The following USP4 variants were observed in gnomAD, a reference collection of about 807,000 sequenced individuals.
USP4 encodes ubiquitin carboxyl-terminal hydrolase 4.
In USP4, 72 loss-of-function variants were observed where a neutral mutation model predicts 118.2. That is an observed-to-expected ratio of 0.61 (90% CI 0.50 to 0.74). The LOEUF (loss-of-function observed/expected upper bound fraction) is 0.74. Ranked by LOEUF, USP4 falls within the 30% of genes least tolerant of loss-of-function variation. The pLI, the probability that USP4 is intolerant of heterozygous loss-of-function variation, is 0.00. For synonymous variants in USP4, 415 were observed against 440.4 expected (o/e 0.94, Z 0.72); for missense variants, 1,037 against 1,185.7 (o/e 0.87, Z 1.84).
intron 12 of USP4, 88 bp from the exon 13 acceptor site, chr3:49,298,052 A>G (rs371444228): frequency 4.4e-5 from 39 of 877,620 alleles, no homozygotes; most frequent in Non-Finnish European, 1.5e-5. Flanking sequence ...TGAAAAAAAA[A>G]ATACTCATAC....
chr3:49,301,806 C>T (rs2047265819), intron 10 of USP4, among the ~76,000 whole-genome samples: 1 of 151,740 alleles, frequency 6.6e-6, no homozygotes, highest in African/African-American at 2.4e-5. Flanking sequence ...ATTGATTATC[C>T]CAATGTGATA....
At chr3:49,285,220 A>G (rs1388707488) in intron 16 of USP4, among the ~76,000 whole-genome samples, 1 of 152,150 alleles carries the variant, frequency 6.6e-6, no homozygotes, top group Non-Finnish European at 1.5e-5. Flanking sequence ...TCATCCTACC[A>G]TAAACCACAA....
chr3:49,296,286 C>A (rs532478919), intron 13 of USP4, among the ~76,000 whole-genome samples: 1 of 150,706 alleles, frequency 6.6e-6, no homozygotes, highest in Non-Finnish European at 1.5e-5. Context: ...CACGATCACA[C>A]CATTGTACTC....
rs1456077314 is a variant in USP4 at position 49,286,117 on chromosome 3, T to C, written c.2181A>G (p.Gly727=). Residue 727 remains glycine (G), a synonymous_variant, in exon 16 of 22, where the codon GGA becomes GGG. Transcript: ENST00000265560. The part of the protein sequence containing the change: ...TADINSLAAD[G]KLLKLNSRST... ...GCTTACAGTTGAGTTTAAGTAGTTTTCCATCAGCTGCAAGTGAATTTATGT... is the reference window on the plus strand; with the variant it reads ...GCTTACAGTTGAGTTTAAGTAGTTTCCCATCAGCTGCAAGTGAATTTATGT... 2 of 1,614,186 alleles carry C rather than the reference T, an allele frequency of 1.2e-6. No homozygotes were observed. The highest frequency in any genetic ancestry group is 1.7e-6 in the Non-Finnish European group (2 of 1,180,022).
chr3:49,298,803 T>TC (rs1169816879), intron 11 of USP4, among the ~76,000 whole-genome samples, 168 bp from the exon 12 acceptor site: 1 of 152,188 alleles, frequency 6.6e-6, no homozygotes, highest in Non-Finnish European at 1.5e-5. Flanking sequence ...GACCTCTATG[T>TC]CAGCATCCTC....
chr3:49,339,268 TC>T (rs2047708680), intron 1 of USP4, among the ~76,000 whole-genome samples: 1 of 152,196 alleles, frequency 6.6e-6, no homozygotes, highest in Non-Finnish European at 1.5e-5. Context: ...CAAAGTATTG[TC>T]CCCTCTACTA....
At chr3:49,286,420 AT>A (rs2047091380) in intron 15 of USP4, 95 bp from the exon 16 acceptor site, 8 of 1,277,764 alleles carry the variant, frequency 6.3e-6, no homozygotes, top group Non-Finnish European at 8.7e-6. Context: ...TTCCTTCCAG[AT>A]TTTGTTCTGT....
Position 49,277,405 on chromosome 3 carries a change from GGAAA to G in USP4, c.*884_*887del. ...CCGGGAAGAGTCTTGGCAGGGATGA[GGAAA>G]GAACCCGTTCTAGAAAGCATCTGGG... On this transcript the variant is annotated 3_prime_UTR_variant, in exon 22 of 22. Transcript: ENST00000265560. 2.8e-6 allele frequency: 1 copy of G among 354,316 alleles called. No homozygotes were observed. Among genetic ancestry groups the G allele is most frequent in the Non-Finnish European group, 5.2e-6 (1 of 190,596 alleles). The allele number at this position is 354,316 out of a possible 1,614,324, so 21.9% of individuals were successfully genotyped here. A position where few individuals can be genotyped will look rare whatever the true frequency, so the allele number is the denominator to read the frequency against.
intron 9 of USP4, among the ~76,000 whole-genome samples, chr3:49,305,084 T>C (rs986161546): frequency 2.9e-5 from 4 of 137,308 alleles, no homozygotes; most frequent in African/African-American, 1.1e-4. Context: ...GTTGTTGTTT[T>C]TTCTTTGAGA....
chr3:49,324,569 T>G, intron 6 of USP4, 133 bp downstream of exon 6: 14 of 839,454 alleles, frequency 1.7e-5, no homozygotes, highest in Non-Finnish European at 2.3e-5. Flanking sequence ...TCCAGAAGCA[T>G]GAACTCTGGA....
In USP4 at chr3:49,282,793, C is replaced by T. The variant is rs528225015; in HGVS notation, c.2540+1194G>A. Among the ~76,000 whole-genome samples the T allele has an allele frequency of 7.5e-5, 11 of 147,310 alleles. No homozygotes were observed. In the South Asian group the frequency reaches 8.8e-4, roughly 12 times the overall value. ...CACAATCTTGGCTCACTGCAACCTC[C>T]GCCTAGTGGGTTCAAGCAATTCTCC... On this transcript the variant is annotated intron_variant, in intron 19 of 21. Coordinates refer to ENST00000265560, the MANE Select transcript of USP4 (RefSeq NM_003363.4).
intron 8 of USP4, among the ~76,000 whole-genome samples, chr3:49,309,730 G>A (rs565173636): frequency 4.1e-4 from 60 of 146,864 alleles, no homozygotes; most frequent in African/African-American, 1.2e-3. Flanking sequence ...GGGTTCAAGC[G>A]ATTCTCCTGC....
Position 49,305,865 on chromosome 3 carries a change from C to A in USP4, c.978G>T (p.Leu326=). ...ALQCLSNTAP[L]TDYFLKDEYE... Reference sequence around the variant, plus strand: ...ACTCATCTTTGAGAAAGTAGTCAGTCAGTGGTGCAGTGTTGCTCAAACACT... The same window carrying A: ...ACTCATCTTTGAGAAAGTAGTCAGTAAGTGGTGCAGTGTTGCTCAAACACT... The change falls in exon 9 of 22, where the codon CTG becomes CTT. Residue 326 remains leucine, a synonymous_variant. Coordinates refer to ENST00000265560, the MANE Select transcript of USP4 (RefSeq NM_003363.4). The A allele has an allele frequency of 6.2e-7, 1 of 1,613,806 alleles. No homozygotes were observed. Among genetic ancestry groups the A allele is most frequent in the Non-Finnish European group, 8.5e-7 (1 of 1,179,836 alleles).
intron 1 of USP4, 35 bp downstream of exon 1, chr3:49,339,889 G>T: frequency 1.9e-6 from 3 of 1,586,620 alleles, no homozygotes; most frequent in Non-Finnish European, 2.6e-6. Flanking sequence ...TCGGCCCCTG[G>T]TTCTGCATAG....
rs760980133 is a variant in USP4, at chr3:49,286,112, A to G, written c.2186T>C (p.Leu729Pro). 41 of 1,614,082 alleles carry G rather than the reference A, an allele frequency of 2.5e-5. No individual in the cohort carries two copies. The highest frequency in any genetic ancestry group is 3.2e-5 in the Non-Finnish European group (38 of 1,180,032). ...DINSLAADGK[L>P]LKLNSRSTLA... ...AAAGTGCTTACAGTTGAGTTTAAGT[A>G]GTTTTCCATCAGCTGCAAGTGAATT... Residue 729 changes from leucine to proline, a missense_variant, in exon 16 of 22, where the codon CTA becomes CCA. By Grantham distance (98) the Leu-to-Pro change is moderately conservative (BLOSUM62 -3). Coordinates refer to ENST00000265560, the MANE Select transcript of USP4 (RefSeq NM_003363.4).
chr3:49,313,477 G>A (rs1376261509), intron 6 of USP4, among the ~76,000 whole-genome samples: 9 of 151,856 alleles, frequency 5.9e-5, no homozygotes, highest in Non-Finnish European at 1.0e-4. Context: ...GTAGTGGGCC[G>A]AGATCGTGCC....
intron 1 of USP4, 54 bp downstream of exon 1, chr3:49,339,870 C>G (rs1189422940): frequency 2.0e-6 from 3 of 1,472,094 alleles, no homozygotes; most frequent in Non-Finnish European, 2.8e-6. Context: ...AAAAGGAGGC[C>G]CCTTTTTCTC....
chr3:49,327,276 G>A (rs547752861), intron 3 of USP4, among the ~76,000 whole-genome samples: 1 of 152,186 alleles, frequency 6.6e-6, no homozygotes, highest in South Asian at 2.1e-4. Flanking sequence ...AGTGGCTCAC[G>A]CCTGTAATCC....
At chr3:49,321,684 C>T (rs943650347) in intron 6 of USP4, among the ~76,000 whole-genome samples, 5 of 151,966 alleles carry the variant, frequency 3.3e-5, no homozygotes, top group African/African-American at 4.8e-5. Context: ...GGCCAGCCAC[C>T]GCACCTGGCC....
Sources: gnomAD v4.1 joint callset for allele counts (sites outside exome capture counted in the v4.1 genomes callset) on GRCh38, gnomAD v4.1.1 for gene constraint, MANE v1.5 for transcripts, NCBI Gene and HGNC (gene_info 2026-07-23, HGNC 2026-07-21) for gene names.